MMP16: variants seen among roughly 807,000 people sequenced by gnomAD.
MMP16 encodes the protein matrix metalloproteinase-16.
A neutral mutation model predicts 67.8 loss-of-function variants in MMP16; 12 were observed. The observed-to-expected ratio is 0.18, with a 90% CI of 0.11 to 0.29. The LOEUF (loss-of-function observed/expected upper bound fraction) is 0.29. Among genes scored for constraint, MMP16 ranks in the 10% least tolerant of loss-of-function variants. The pLI, the probability that MMP16 is intolerant of heterozygous loss-of-function variation, is 1.00. For synonymous variants in MMP16, 249 were observed against 255.9 expected (o/e 0.97, Z 0.26); for missense variants, 475 against 765.7 (o/e 0.62, Z 4.48).
intron 7 of MMP16, among the ~76,000 whole-genome samples, chr8:88,057,504 T>C (rs1037782682): frequency 6.6e-6 from 1 of 152,170 alleles, no homozygotes; most frequent in Non-Finnish European, 1.5e-5. Flanking sequence ...GTCTTGGATC[T>C]CTAGCACCTC....
intron 1 of MMP16, chr8:88,326,742 G>A (rs549929498): frequency 3.7e-4 from 79 of 216,042 alleles, no homozygotes; most frequent in Non-Finnish European, 5.1e-4. Flanking sequence ...TCCCCGAGCT[G>A]TTTATCCATC....
chr8:88,222,416 G>A (rs956897061), intron 1 of MMP16, among the ~76,000 whole-genome samples: 27 of 152,222 alleles, frequency 1.8e-4, no homozygotes, highest in African/African-American at 6.0e-4. Context: ...GAACAAAGCT[G>A]GAGGCATCAC....
chr8:88,095,782 C>A (rs190153193), intron 6 of MMP16, among the ~76,000 whole-genome samples: 89 of 151,962 alleles, frequency 5.9e-4, no homozygotes, highest in Non-Finnish European at 3.7e-4. Context: ...ATTTGCTGAG[C>A]ATTCAAAAGA....
intron 1 of MMP16, among the ~76,000 whole-genome samples, chr8:88,318,602 T>C (rs918918048): frequency 6.6e-6 from 1 of 152,176 alleles, no homozygotes; most frequent in African/African-American, 2.4e-5. Context: ...ACAGTCAGCC[T>C]GTCTGCTTTG....
At chr8:88,240,468 TG>T (rs1810016941) in intron 1 of MMP16, among the ~76,000 whole-genome samples, 1 of 151,962 alleles carries the variant, frequency 6.6e-6, no homozygotes, top group Non-Finnish European at 1.5e-5. Flanking sequence ...TGGAGAGGGA[TG>T]AAGGTAGAAA....
chr8:88,082,626 T>C (rs1239479186), intron 6 of MMP16, among the ~76,000 whole-genome samples: 1 of 152,080 alleles, frequency 6.6e-6, no homozygotes, highest in Admixed American at 6.6e-5. Context: ...GCTATAAATA[T>C]AGATAAAATA....
chr8:88,135,988 G>T (rs1343936849), intron 4 of MMP16, among the ~76,000 whole-genome samples: 1 of 151,684 alleles, frequency 6.6e-6, no homozygotes, highest in Non-Finnish European at 1.5e-5. Flanking sequence ...GATACAGAAA[G>T]ATTACAAAAG....
At chr8:88,206,267 A>G (rs985253401) in intron 1 of MMP16, among the ~76,000 whole-genome samples, 1 of 152,112 alleles carries the variant, frequency 6.6e-6, no homozygotes, top group Non-Finnish European at 1.5e-5. Flanking sequence ...CATCACCCCA[A>G]ACTGAAACTA....
chr8:88,124,003 T>G (rs745648216), intron 4 of MMP16, among the ~76,000 whole-genome samples: 8 of 151,920 alleles, frequency 5.3e-5, no homozygotes, highest in Non-Finnish European at 1.0e-4. Context: ...TTTCCCCAAT[T>G]GAGTCAGACA....
intron 1 of MMP16, among the ~76,000 whole-genome samples, chr8:88,265,224 T>TTTTTTTTTC (rs1810456559): frequency 1.4e-4 from 1 of 7,346 alleles, no homozygotes; most frequent in African/African-American, 2.6e-4. Context: ...GACCATTTCC[T>TTTTTTTTTC]TTTTTTTTTT....
intron 1 of MMP16, among the ~76,000 whole-genome samples, chr8:88,218,129 T>C (rs192758019): frequency 2.0e-5 from 3 of 152,090 alleles, no homozygotes; most frequent in Admixed American, 1.3e-4. Flanking sequence ...AGGAAAAAAC[T>C]TGGAGAGGGG....
At chr8:88,121,124 A>G (rs1455462054) in intron 4 of MMP16, among the ~76,000 whole-genome samples, 1 of 151,808 alleles carries the variant, frequency 6.6e-6, no homozygotes, top group Non-Finnish European at 1.5e-5. Context: ...AAAAAGACAA[A>G]AACAACACAG....
intron 1 of MMP16, among the ~76,000 whole-genome samples, chr8:88,314,266 T>G (rs1343459751): frequency 6.6e-6 from 1 of 152,198 alleles, no homozygotes; most frequent in African/African-American, 2.4e-5. Context: ...ATATGTCAAC[T>G]TTTGGACATA....
In MMP16 at chr8:88,036,831, C is replaced by G. The variant is rs867301715; in HGVS notation, c.*4630G>C. ...GAAAGCATCAGAAATGAAATAAGCTCTTTACTGTGTTTGCTAAAAAAGACC... is the reference window on the plus strand; with the variant it reads ...GAAAGCATCAGAAATGAAATAAGCTGTTTACTGTGTTTGCTAAAAAAGACC... On this transcript the variant is annotated 3_prime_UTR_variant, in exon 10 of 10. Transcript: ENST00000286614. 2.0e-5 allele frequency: 3 copies of G among 151,572 alleles called. No individual in the cohort carries two copies. The highest frequency in any genetic ancestry group is 4.4e-5 in the Non-Finnish European group (3 of 67,728). The allele number at this position is 151,572 out of a possible 1,614,324, so 9.4% of individuals were successfully genotyped here. A position where few individuals can be genotyped will look rare whatever the true frequency, so the allele number is the denominator to read the frequency against.
chr8:88,142,572 ATAT>A (rs1484905809), intron 4 of MMP16, among the ~76,000 whole-genome samples: 1 of 152,116 alleles, frequency 6.6e-6, no homozygotes, highest in Non-Finnish European at 1.5e-5. Context: ...TTACACAAAG[ATAT>A]TGTTTATATG....
At chr8:88,129,660 C>T (rs912700213) in intron 4 of MMP16, among the ~76,000 whole-genome samples, 1 of 150,910 alleles carries the variant, frequency 6.6e-6, no homozygotes, top group African/African-American at 2.4e-5. Context: ...CTAAAGCAAC[C>T]CTCTTTCCAT....
chr8:88,311,786 GAGCTAC>G (rs1320012191), intron 1 of MMP16, among the ~76,000 whole-genome samples: 2 of 152,076 alleles, frequency 1.3e-5, no homozygotes, highest in African/African-American at 4.8e-5. Context: ...GATGAACTCT[GAGCTAC>G]AGGGCTAGAG....
intron 4 of MMP16, among the ~76,000 whole-genome samples, chr8:88,154,231 G>A (rs1158310432): frequency 1.6e-5 from 2 of 126,684 alleles, no homozygotes; most frequent in African/African-American, 3.1e-5. Context: ...GTGCTGGAGA[G>A]GATGTGGAGA....
chr8:88,298,970 TA>T (rs1218685931), intron 1 of MMP16, among the ~76,000 whole-genome samples: 13 of 152,192 alleles, frequency 8.5e-5, no homozygotes, highest in Non-Finnish European at 1.5e-4. Flanking sequence ...ACATTATATT[TA>T]TAGTTTACAA....
Sources: allele counts gnomAD v4.1 joint callset (sites outside exome capture counted in the v4.1 genomes callset), GRCh38; gene constraint gnomAD v4.1.1; transcripts MANE v1.5; gene names NCBI Gene and HGNC (gene_info 2026-07-23, HGNC 2026-07-21).